The following DCAF1 variants were observed in gnomAD, a reference collection of about 807,000 sequenced individuals.
DCAF1 encodes the protein DDB1 and CUL4 associated factor 1, also known as DDB1- and CUL4-associated factor 1.
A neutral mutation model predicts 128.0 loss-of-function variants in DCAF1; 15 were observed. The observed-to-expected ratio is 0.12, with a 90% confidence interval of 0.08 to 0.18. The LOEUF is 0.18. Ranked by LOEUF, DCAF1 falls within the 10% of genes least tolerant of loss-of-function variation. DCAF1 has a pLI of 1.00. For missense variants in DCAF1, 988 were observed against 1,649.5 expected, an observed-to-expected ratio of 0.60 and a Z score of 6.95; for synonymous variants, 610 against 603.0, an observed-to-expected ratio of 1.01 and a Z score of -0.17.
chr3:51,436,777 T>G (rs1415374914), intron 9 of DCAF1, among the ~76,000 whole-genome samples: 1 of 152,146 alleles, frequency 6.6e-6, no homozygotes, highest in Non-Finnish European at 1.5e-5. Context: ...ATCAAGAATT[T>G]GAAACAAACT....
chr3:51,433,338 T>G, intron 9 of DCAF1, 74 bp from the exon 10 acceptor site: 1 of 397,860 alleles, frequency 2.5e-6, no homozygotes, highest in Non-Finnish European at 4.4e-6. Flanking sequence ...AATATTCAGT[T>G]AAGCTGTTAA....
intron 3 of DCAF1, among the ~76,000 whole-genome samples, chr3:51,482,281 C>T (rs1358514290): frequency 2.7e-5 from 4 of 150,338 alleles, no homozygotes; most frequent in Admixed American, 6.8e-5. Context: ...CCTCCCTCTA[C>T]AAAAAATTTA....
rs1219359889 is a variant in DCAF1, at chr3:51,460,038, C to T, written c.375+3076G>A. Among the ~76,000 whole-genome samples, 11 of 152,132 alleles carry T rather than the reference C, an allele frequency of 7.2e-5. No homozygotes were observed. In the South Asian group the frequency reaches 1.2e-3, roughly 17 times the overall value. On this transcript the variant is annotated intron_variant, in intron 6 of 24. Transcript: ENST00000684031. ...CTCTCACCACTCCTATTCAACATAGCGTTGGGAGTTCTGGCCAGGGCAATC... is the reference window on the plus strand; with the variant it reads ...CTCTCACCACTCCTATTCAACATAGTGTTGGGAGTTCTGGCCAGGGCAATC...
At chr3:51,470,710 A>T (rs1296233612) in intron 4 of DCAF1, among the ~76,000 whole-genome samples, 1 of 152,194 alleles carries the variant, frequency 6.6e-6, no homozygotes, top group African/African-American at 2.4e-5. Flanking sequence ...AAATATTTCC[A>T]ATTTTTTCCA....
chr3:51,475,388 G>T (rs1279314214), intron 3 of DCAF1, among the ~76,000 whole-genome samples: 3 of 151,722 alleles, frequency 2.0e-5, no homozygotes, highest in Non-Finnish European at 2.9e-5. Context: ...AATCACTAGA[G>T]GTAAGGAGTT....
At position 51,491,347 on chromosome 3, in the gene DCAF1, CAAAA is replaced by C. The variant is rs1157221527; in HGVS notation, c.-9+5383_-9+5386del. ...AGGCAACAGAGCGAGACTATGTCTC[CAAAA>C]AAAAAAAAAAAAGTTGGAAAAATCA... On this transcript the variant is annotated intron_variant, in intron 2 of 24. Transcript: ENST00000684031. 3.9e-4 allele frequency among the ~76,000 whole-genome samples: 36 copies of C among 91,732 alleles called. No individual in the cohort carries two copies. The Admixed American group carries it at 4.2e-3, about 11-fold the overall frequency. The allele number at this position is 91,732 out of a possible 152,430, so 60.2% of individuals were successfully genotyped here.
chr3:51,410,846 C>T (rs1489678016), intron 23 of DCAF1, among the ~76,000 whole-genome samples: 2 of 152,224 alleles, frequency 1.3e-5, no homozygotes, highest in Admixed American at 1.3e-4. Flanking sequence ...ATCCAGAGCA[C>T]CTCTGTGCCC....
chr3:51,449,109 C>T (rs1216657061), intron 6 of DCAF1, among the ~76,000 whole-genome samples: 5 of 152,086 alleles, frequency 3.3e-5, no homozygotes, highest in Admixed American at 1.3e-4. Context: ...AAAGAAATCA[C>T]GAGGGAAATT....
intron 6 of DCAF1, among the ~76,000 whole-genome samples, chr3:51,461,545 A>C (rs1553644526): frequency 6.6e-6 from 1 of 152,104 alleles, no homozygotes; most frequent in East Asian, 1.9e-4. Flanking sequence ...CATTTGACCC[A>C]GCCATCCCAT....
At chr3:51,497,606 T>C (rs1470248531) in intron 1 of DCAF1, among the ~76,000 whole-genome samples, 1 of 148,404 alleles carries the variant, frequency 6.7e-6, no homozygotes, top group Admixed American at 6.8e-5. Context: ...AAAAAAAAAT[T>C]TTTTTTAAAT....
At chr3:51,449,517 T>C (rs1165361083) in intron 6 of DCAF1, among the ~76,000 whole-genome samples, 19 of 152,182 alleles carry the variant, frequency 1.2e-4, no homozygotes, top group Non-Finnish European at 2.5e-4. Flanking sequence ...AGAATGATAT[T>C]TATAGCTGCA....
At position 51,451,069 on chromosome 3, in the gene DCAF1, C is replaced by CTTTTTTTTTTTTTTTTT. The variant is rs1167474829; in HGVS notation, c.376-7183_376-7167dup. ...CAATGAACAATATAAAAAGGAAATT[C>CTTTTTTTTTTTTTTTTT]TTTTTTTTTTTTTTTTTTTTTTTTT... On this transcript the variant is annotated intron_variant, in intron 6 of 24. Transcript: ENST00000684031. 7.4e-5 allele frequency among the ~76,000 whole-genome samples: 2 copies of CTTTTTTTTTTTTTTTTT among 27,110 alleles called. 1 individual carries two copies. Among genetic ancestry groups the CTTTTTTTTTTTTTTTTT allele is most frequent in the Non-Finnish European group, 1.4e-4 (2 of 14,666 alleles). 17.8% of individuals were successfully genotyped at this position (27,110 alleles called of 152,430 possible). A position where few individuals can be genotyped will look rare whatever the true frequency, so the allele number is the denominator to read the frequency against.
intron 4 of DCAF1, among the ~76,000 whole-genome samples, chr3:51,470,522 T>C (rs150544605): frequency 2.5e-3 from 388 of 152,234 alleles, no homozygotes; most frequent in Non-Finnish European, 4.4e-3. Context: ...GCTATGATCA[T>C]GCCACTGCAC....
At chr3:51,500,843 G>A (rs1244482606), upstream of DCAF1, among the ~76,000 whole-genome samples, 2 of 133,154 alleles carry the variant, frequency 1.5e-5, no homozygotes, top group South Asian at 2.3e-4. Context: ...ACAGGGTCTC[G>A]CTCTGTCATC....
At chr3:51,407,984 C>CAAA (rs59224025) in intron 23 of DCAF1, among the ~76,000 whole-genome samples, 25,189 of 52,150 alleles carry the variant, frequency 0.48, 8,503 homozygotes, top group South Asian at 0.71. Flanking sequence ...GACTCCATCT[C>CAAA]AAAAAAAAAA....
At chr3:51,428,822 C>A (rs1553634770) in intron 12 of DCAF1, among the ~76,000 whole-genome samples, 1 of 151,768 alleles carries the variant, frequency 6.6e-6, no homozygotes. Flanking sequence ...TAGTGAGACC[C>A]CCATCTCCAC....
chr3:51,478,050 C>T (rs1553651338), intron 3 of DCAF1, among the ~76,000 whole-genome samples: 1 of 152,166 alleles, frequency 6.6e-6, no homozygotes, highest in East Asian at 1.9e-4. Context: ...CTTGCCCAGG[C>T]TGGAGTGTAG....
At chr3:51,464,334 G>A (rs115495920) in intron 5 of DCAF1, among the ~76,000 whole-genome samples, 204 of 151,984 alleles carry the variant, frequency 1.3e-3, no homozygotes, top group Non-Finnish European at 2.0e-3. Flanking sequence ...CTAATATTAA[G>A]CGATACTATG....
At chr3:51,483,382 G>A (rs1706496656) in intron 3 of DCAF1, among the ~76,000 whole-genome samples, 1 of 151,288 alleles carries the variant, frequency 6.6e-6, no homozygotes, top group Non-Finnish European at 1.5e-5. Flanking sequence ...GGAGGTTGCA[G>A]TGAGCCGAGA....
Sources: gnomAD v4.1 joint callset for allele counts (sites outside exome capture counted in the v4.1 genomes callset) on GRCh38, gnomAD v4.1.1 for gene constraint, MANE v1.5 for transcripts, NCBI Gene and HGNC (gene_info 2026-07-23, HGNC 2026-07-21) for gene names.